The following SNX19 variants were observed in gnomAD, a reference collection of about 807,000 sequenced individuals.
SNX19 encodes sorting nexin-19.
Under a neutral mutation model 85.2 loss-of-function variants are expected in SNX19, and 60 were observed. The observed-to-expected ratio is 0.70, with a 90% CI of 0.57 to 0.87. The LOEUF (loss-of-function observed/expected upper bound fraction) is 0.87, where lower values mean the gene tolerates loss of function less well. Ranked by LOEUF, SNX19 falls within the 40% of genes least tolerant of loss-of-function variation. The pLI, the probability that SNX19 is intolerant of heterozygous loss-of-function variation, is 0.00. For synonymous variants in SNX19, 520 were observed against 470.0 expected, an observed-to-expected ratio of 1.11 and a Z score of -1.38; for missense variants, 1,201 against 1,217.8, an observed-to-expected ratio of 0.99 and a Z score of 0.21.
At chr11:130,909,673 C>A (rs1463895425) in intron 4 of SNX19, among the ~76,000 whole-genome samples, 1 of 152,188 alleles carries the variant, frequency 6.6e-6, no homozygotes, top group Non-Finnish European at 1.5e-5. Context: ...GAACTTTACC[C>A]TCTGAAAGAC....
rs1565502329 is a variant in SNX19, at chr11:130,878,443, C to T, written c.2958G>A (p.Lys986=). The T allele has an allele frequency of 2.5e-6, 4 of 1,613,754 alleles. No individual in the cohort carries two copies. The highest frequency in any genetic ancestry group is 2.2e-5 in the East Asian group (1 of 44,866). ...CCAGCTAAGAGGAGACACCCATCCTCTTAGAGTTGCCTGGGGTATCTGAGG... is the reference window on the plus strand; with the variant it reads ...CCAGCTAAGAGGAGACACCCATCCTTTTAGAGTTGCCTGGGGTATCTGAGG... The part of the protein sequence containing the change: ...TSASDTPGNS[K]RMGVSS The change falls in exon 11 of 11, where the codon AAG becomes AAA. Residue 986 remains lysine, a synonymous_variant. Transcript: ENST00000265909.
rs1402970468 is a variant in SNX19 at position 130,869,889 on chromosome 11, A to G, written c.*8533T>C. On this transcript the variant is annotated 3_prime_UTR_variant, in exon 11 of 11. Transcript: ENST00000265909. Reference sequence around the variant, plus strand: ...TAGTGGGGTAGCCAAGTCACCCACAAAGACTGATGAGCTGATATAGAAAAA... The same window carrying G: ...TAGTGGGGTAGCCAAGTCACCCACAGAGACTGATGAGCTGATATAGAAAAA... 6.6e-6 allele frequency: 1 copy of G among 151,742 alleles called. No individual in the cohort carries two copies. The highest frequency in any genetic ancestry group is 1.5e-5 in the Non-Finnish European group (1 of 68,024). The allele number at this position is 151,742 out of a possible 1,614,324, so 9.4% of individuals were successfully genotyped here.
Position 130,915,256 on chromosome 11 carries a change from G to A in SNX19, c.684C>T (p.His228=), listed in dbSNP as rs1946466669. 6.2e-7 allele frequency: 1 copy of A among 1,614,136 alleles called. No homozygotes were observed. The highest frequency in any genetic ancestry group is 1.1e-5 in the South Asian group (1 of 91,094). ...CATGGCGTCCGGTACGAGTCTCCAA[G>A]TGGGGCTTGGGCACCAGCCCTTGAA... ...LLLQGLVPKP[H]LETRTGRHVV... The change falls in exon 1 of 11, where the codon CAC becomes CAT. Residue 228 remains histidine, a synonymous_variant. Transcript: ENST00000265909.
intron 8 of SNX19, among the ~76,000 whole-genome samples, chr11:130,898,174 G>C (rs1393973990): frequency 6.6e-6 from 1 of 151,622 alleles, no homozygotes; most frequent in Non-Finnish European, 1.5e-5. Context: ...TCCTTTGCAG[G>C]ATAGAGAGTG....
In SNX19 at chr11:130,871,677, C is replaced by G. The variant is rs1943032862; in HGVS notation, c.*6745G>C. Among the ~76,000 whole-genome samples the G allele has an allele frequency of 6.6e-6, 1 of 152,170 alleles. No individual in the cohort carries two copies. Among genetic ancestry groups the G allele is most frequent in the Non-Finnish European group, 1.5e-5 (1 of 68,034 alleles). On this transcript the variant is annotated 3_prime_UTR_variant, in exon 11 of 11. Coordinates refer to ENST00000265909, the MANE Select transcript of SNX19 (RefSeq NM_014758.3). ...TCTGTCGACATTTGAGTCCTTTTGTCTGCAATCAGGGAGTTCTGTGTTTAT... is the reference window on the plus strand; with the variant it reads ...TCTGTCGACATTTGAGTCCTTTTGTGTGCAATCAGGGAGTTCTGTGTTTAT...
Position 130,916,383 on chromosome 11 carries a change from G to A in SNX19, c.-444C>T, listed in dbSNP as rs1221216882. The A allele has an allele frequency of 1.3e-5, 2 of 159,614 alleles. No homozygotes were observed. The highest frequency in any genetic ancestry group is 2.8e-5 in the Non-Finnish European group (2 of 72,298). 9.9% of individuals were successfully genotyped at this position (159,614 alleles called of 1,614,324 possible). The stretch of plus-strand genomic sequence containing the variant: ...AAGTGGACTCATCGCGGTCCTCTCC[G>A]GGAGCCTCGGCCCTCTGCCGCCGTA... On this transcript the variant is annotated 5_prime_UTR_variant, in exon 1 of 11. Coordinates refer to ENST00000265909, the MANE Select transcript of SNX19 (RefSeq NM_014758.3).
Position 130,869,915 on chromosome 11 carries a change from A to G in SNX19, c.*8507T>C, listed in dbSNP as rs1031506581. The stretch of plus-strand genomic sequence containing the variant: ...AGACTGATGAGCTGATATAGAAAAA[A>G]AAAAAGGAATAAAGAAAAAGCAATT... On this transcript the variant is annotated 3_prime_UTR_variant, in exon 11 of 11. Transcript: ENST00000265909. 1 of 151,106 alleles carries G rather than the reference A, an allele frequency of 6.6e-6. No individual in the cohort carries two copies. Among genetic ancestry groups the G allele is most frequent in the African/African-American group, 2.5e-5 (1 of 40,504 alleles). The allele number at this position is 151,106 out of a possible 1,614,324, so 9.4% of individuals were successfully genotyped here.
chr11:130,881,587 C>A (rs1943679807), intron 8 of SNX19, among the ~76,000 whole-genome samples: 1 of 152,244 alleles, frequency 6.6e-6, no homozygotes, highest in South Asian at 2.1e-4. Context: ...CTCTCTACCT[C>A]CCCAGCCATA....
chr11:130,901,157 T>C (rs1175131140), intron 8 of SNX19, among the ~76,000 whole-genome samples: 1 of 152,162 alleles, frequency 6.6e-6, no homozygotes, highest in Non-Finnish European at 1.5e-5. Flanking sequence ...CTACATCCAC[T>C]AGATGCCAGT....
At chr11:130,904,785 T>C (rs974094689) in intron 7 of SNX19, among the ~76,000 whole-genome samples, 1 of 151,932 alleles carries the variant, frequency 6.6e-6, no homozygotes, top group Non-Finnish European at 1.5e-5. Flanking sequence ...TCTAGAGATA[T>C]GATGTTCAAC....
intron 2 of SNX19, chr11:130,911,316 C>A (rs1946107754): frequency 4.7e-6 from 2 of 425,400 alleles, no homozygotes; most frequent in Non-Finnish European, 6.7e-6. Flanking sequence ...TTAAGAACCA[C>A]CAATCTATGA....
chr11:130,896,614 T>A (rs1200702108), intron 8 of SNX19, among the ~76,000 whole-genome samples: 1 of 152,212 alleles, frequency 6.6e-6, no homozygotes, highest in Non-Finnish European at 1.5e-5. Context: ...CCAGGATGAC[T>A]TAAGTGGAAT....
At chr11:130,883,828 G>A (rs1035414586) in intron 8 of SNX19, among the ~76,000 whole-genome samples, 2 of 152,242 alleles carry the variant, frequency 1.3e-5, no homozygotes, top group East Asian at 1.9e-4. Flanking sequence ...TGATGAGCAC[G>A]CCAATCTGGA....
chr11:130,889,045 TC>T (rs914572320), intron 8 of SNX19, among the ~76,000 whole-genome samples: 1 of 152,162 alleles, frequency 6.6e-6, no homozygotes, highest in African/African-American at 2.4e-5. Flanking sequence ...ACAGCATCTG[TC>T]CCAAACAATT....
chr11:130,915,868 C>G lies in SNX19; in HGVS notation c.72G>C (p.Leu24Phe), dbSNP rs551915231. The G allele has an allele frequency of 1.4e-5, 22 of 1,614,200 alleles. No homozygotes were observed. The South Asian group carries it at 2.2e-4, about 16-fold the overall frequency. ...AGSSCHLNNLLSSRKLMAVGV... is the reference protein window; with the variant it reads ...AGSSCHLNNLFSSRKLMAVGV... ...CCACAGCCATCAGCTTCCGGCTACT[C>G]AACAGGTTATTGAGGTGACAGCTCG... The change falls in exon 1 of 11, where the codon TTG (leucine) becomes TTC (phenylalanine). Residue 24 changes from leucine to phenylalanine, a missense_variant. By Grantham distance (22) the Leu-to-Phe change is conservative. Coordinates refer to ENST00000265909, the MANE Select transcript of SNX19 (RefSeq NM_014758.3).
intron 8 of SNX19, among the ~76,000 whole-genome samples, chr11:130,890,704 C>T (rs1380837284): frequency 6.6e-6 from 1 of 152,128 alleles, no homozygotes; most frequent in African/African-American, 2.4e-5. Flanking sequence ...CAACGCCCCA[C>T]ATTCTTTAAA....
At chr11:130,903,700 T>C (rs1488249706) in intron 7 of SNX19, among the ~76,000 whole-genome samples, 1 of 131,682 alleles carries the variant, frequency 7.6e-6, no homozygotes, top group African/African-American at 2.8e-5. Flanking sequence ...TATATACATA[T>C]ATATATATAT....
intron 8 of SNX19, among the ~76,000 whole-genome samples, chr11:130,895,878 A>G (rs1028237314): frequency 1.3e-5 from 2 of 152,200 alleles, no homozygotes; most frequent in African/African-American, 4.8e-5. Context: ...TACCCAAGAA[A>G]TATGACAGGC....
intron 8 of SNX19, among the ~76,000 whole-genome samples, chr11:130,901,036 C>T (rs1238375653): frequency 6.6e-6 from 1 of 152,202 alleles, no homozygotes; most frequent in East Asian, 1.9e-4. Context: ...TAATAGTCTA[C>T]ACAGCATTTC....
Sources: gnomAD v4.1 joint callset for allele counts (sites outside exome capture counted in the v4.1 genomes callset) on GRCh38, gnomAD v4.1.1 for gene constraint, MANE v1.5 for transcripts, NCBI Gene and HGNC (gene_info 2026-07-23, HGNC 2026-07-21) for gene names.